KIFAP3: variants seen among roughly 807,000 people sequenced by gnomAD.
KIFAP3 encodes the protein kinesin associated protein 3, also known as kinesin-associated protein 3.
KIFAP3 carries 68 observed loss-of-function variants against 106.5 expected under a neutral mutation model. The ratio of observed to expected loss-of-function variants is 0.64; its 90% CI spans 0.53 to 0.78. The LOEUF (loss-of-function observed/expected upper bound fraction) is 0.78. KIFAP3 is among the 30% of genes least tolerant of loss of function. The probability of loss-of-function intolerance (pLI) is 0.00; values close to 1 mark genes in which losing one functional copy is unlikely to be tolerated. For synonymous variants in KIFAP3, 320 were observed against 311.5 expected (o/e 1.03, Z -0.29); for missense variants, 780 against 941.8 (o/e 0.83, Z 2.25).
chr1:169,969,584 T>TA (rs1443192782), intron 17 of KIFAP3, among the ~76,000 whole-genome samples: 1 of 151,942 alleles, frequency 6.6e-6, no homozygotes, highest in African/African-American at 2.4e-5. Flanking sequence ...TGATCATAAT[T>TA]AAGAGTTATT....
chr1:170,038,258 T>C, intron 5 of KIFAP3, 32 bp downstream of exon 5: 1 of 1,488,298 alleles, frequency 6.7e-7, no homozygotes, highest in South Asian at 1.3e-5. Context: ...CTTATTCCTC[T>C]ATTATAATTA....
chr1:170,008,387 ATC>A (rs1434876864), intron 10 of KIFAP3, among the ~76,000 whole-genome samples: 1 of 151,628 alleles, frequency 6.6e-6, no homozygotes, highest in African/African-American at 2.4e-5. Flanking sequence ...AAGGGCTAAT[ATC>A]CAGAATCTAC....
rs369967272 is a variant in KIFAP3 at position 170,060,822 on chromosome 1, A to G, written c.33-5386T>C. Among the ~76,000 whole-genome samples the G allele has an allele frequency of 3.3e-5, 5 of 152,336 alleles. No homozygotes were observed. In the East Asian group the frequency reaches 7.7e-4, roughly 23 times the overall value. On this transcript the variant is annotated intron_variant, in intron 1 of 19. Coordinates refer to ENST00000361580, the MANE Select transcript of KIFAP3 (RefSeq NM_014970.4). ...TGGTACCAAAACTGAGATATAGACC[A>G]ATGGAACAGAACAGAGCCCTCAGAA...
At chr1:170,066,597 T>A (rs1031514559) in intron 1 of KIFAP3, among the ~76,000 whole-genome samples, 1 of 152,176 alleles carries the variant, frequency 6.6e-6, no homozygotes, top group Non-Finnish European at 1.5e-5. Context: ...TTGAGGCTAC[T>A]TTTCCCTAGA....
chr1:170,081,171 G>C (rs780634177), intron 1 of KIFAP3, among the ~76,000 whole-genome samples: 1 of 152,094 alleles, frequency 6.6e-6, no homozygotes, highest in Non-Finnish European at 1.5e-5. Context: ...TTGTATTCAT[G>C]ATATAAAGAG....
At chr1:170,066,482 G>A (rs149045498) in intron 1 of KIFAP3, among the ~76,000 whole-genome samples, 1 of 152,054 alleles carries the variant, frequency 6.6e-6, no homozygotes, top group African/African-American at 2.4e-5. Flanking sequence ...GCAAAAACAC[G>A]TATGTGTGTA....
At chr1:169,977,680 G>C (rs1488068894) in intron 16 of KIFAP3, among the ~76,000 whole-genome samples, 1 of 152,100 alleles carries the variant, frequency 6.6e-6, no homozygotes, top group Non-Finnish European at 1.5e-5. Context: ...CAAGATAGGG[G>C]TTATGAAGAT....
chr1:170,021,771 T>C (rs993218176), intron 9 of KIFAP3, among the ~76,000 whole-genome samples: 5 of 151,878 alleles, frequency 3.3e-5, no homozygotes, highest in African/African-American at 9.7e-5. Context: ...TTGCACAGAA[T>C]AGAATGTGAA....
intron 11 of KIFAP3, among the ~76,000 whole-genome samples, chr1:169,987,705 T>C (rs1307621063): frequency 6.6e-6 from 1 of 152,050 alleles, no homozygotes; most frequent in Non-Finnish European, 1.5e-5. Flanking sequence ...GTGGAAAACA[T>C]GTGGATCACT....
chr1:170,074,740 A>G (rs575180744), upstream of KIFAP3: 2 of 1,337,498 alleles, frequency 1.5e-6, no homozygotes, highest in South Asian at 3.3e-5. Context: ...CACCTCTTGT[A>G]TGCGCAGGCT....
intron 19 of KIFAP3, among the ~76,000 whole-genome samples, chr1:169,926,598 T>C (rs7526925): frequency 0.056 from 8,506 of 151,956 alleles, 745 homozygotes; most frequent in African/African-American, 0.18. Flanking sequence ...ATATATAACA[T>C]TGAGTTATAT....
At chr1:170,053,400 C>A (rs1255004549) in intron 2 of KIFAP3, among the ~76,000 whole-genome samples, 2 of 151,548 alleles carry the variant, frequency 1.3e-5, no homozygotes, top group Non-Finnish European at 3.0e-5. Context: ...AAAAAAATGG[C>A]CATACTGCTC....
At chr1:170,047,620 C>CA (rs1165754265) in intron 2 of KIFAP3, among the ~76,000 whole-genome samples, 7,348 of 44,694 alleles carry the variant, frequency 0.16, 989 homozygotes, top group African/African-American at 0.32. Context: ...GGCTCTGTCT[C>CA]AAAAAAAAAA....
At chr1:170,047,951 A>G (rs183572668) in intron 2 of KIFAP3, among the ~76,000 whole-genome samples, 97 of 152,330 alleles carry the variant, frequency 6.4e-4, no homozygotes, top group African/African-American at 2.2e-3. Flanking sequence ...TTTGAAAAAG[A>G]GAAAGATGAA....
chr1:170,050,337 A>T (rs61825353), intron 2 of KIFAP3, among the ~76,000 whole-genome samples: 1 of 152,126 alleles, frequency 6.6e-6, no homozygotes, highest in Admixed American at 6.5e-5. Context: ...GAAATATGGG[A>T]CTATGTGAAA....
intron 15 of KIFAP3, among the ~76,000 whole-genome samples, chr1:169,981,168 T>C (rs900066919): frequency 3.9e-5 from 6 of 152,168 alleles, no homozygotes; most frequent in African/African-American, 1.4e-4. Flanking sequence ...TCCTCCCTTA[T>C]CTGTGGTTTT....
At chr1:170,070,885 G>A (rs1671676644) in intron 1 of KIFAP3, among the ~76,000 whole-genome samples, 1 of 152,140 alleles carries the variant, frequency 6.6e-6, no homozygotes, top group African/African-American at 2.4e-5. Context: ...AAAACCCACA[G>A]AATGGGACAA....
At chr1:169,967,066 A>G (rs1199409359) in intron 17 of KIFAP3, among the ~76,000 whole-genome samples, 3 of 151,780 alleles carry the variant, frequency 2.0e-5, no homozygotes, top group East Asian at 1.9e-4. Context: ...TTGAGATTCT[A>G]TTTACCAAGT....
chr1:170,047,580 C>G (rs1353800901), intron 2 of KIFAP3, among the ~76,000 whole-genome samples: 1 of 131,660 alleles, frequency 7.6e-6, no homozygotes, highest in Admixed American at 8.4e-5. Flanking sequence ...GAGATCGCAC[C>G]ATTGTACTCC....
Sources: gnomAD v4.1 joint callset for allele counts (sites outside exome capture counted in the v4.1 genomes callset) on GRCh38, gnomAD v4.1.1 for gene constraint, MANE v1.5 for transcripts, NCBI Gene and HGNC (gene_info 2026-07-23, HGNC 2026-07-21) for gene names.